DSCAM: variants seen among roughly 807,000 people sequenced by gnomAD.
DSCAM encodes the protein cell adhesion molecule DSCAM.
Under a neutral mutation model 217.7 loss-of-function variants are expected in DSCAM, and 47 were observed. The observed-to-expected ratio is 0.22, with a 90% CI of 0.17 to 0.28. The LOEUF (loss-of-function observed/expected upper bound fraction) is 0.28. Ranked by LOEUF, DSCAM falls within the 10% of genes least tolerant of loss-of-function variation. DSCAM has a pLI of 1.00. For synonymous variants in DSCAM, 1,056 were observed against 1,015.3 expected, an observed-to-expected ratio of 1.04 and a Z score of -0.76; for missense variants, 2,080 against 2,618.3, an observed-to-expected ratio of 0.79 and a Z score of 4.49.
chr21:40,089,687 C>T (rs796244853), intron 21 of DSCAM, among the ~76,000 whole-genome samples: 1 of 152,164 alleles, frequency 6.6e-6, no homozygotes, highest in Non-Finnish European at 1.5e-5. Context: ...ACATCCCCAT[C>T]CCTCTAGGAT....
At position 40,124,199 on chromosome 21, in the gene DSCAM, G is replaced by C. The variant is rs1261715052; in HGVS notation, c.3692C>G (p.Pro1231Arg). The C allele has an allele frequency of 1.2e-5, 19 of 1,613,918 alleles. No homozygotes were observed. Among genetic ancestry groups the C allele is most frequent in the African/African-American group, 2.7e-5 (2 of 74,894 alleles). Reference sequence around the variant, plus strand: ...CTTGGTTATTTACCAACTTACTGTGGGATAGGGGTGGGAGCAGAATACAGT... The same window carrying C: ...CTTGGTTATTTACCAACTTACTGTGCGATAGGGGTGGGAGCAGAATACAGT... The part of the protein sequence containing the change: ...KYTVFCSHPY[P>R]TVISEFEASP... Residue 1231 changes from proline to arginine, a missense_variant, in exon 20 of 33, where the codon CCC (proline) becomes CGC (arginine). Pro to Arg is a moderately radical substitution (Grantham distance 103). Around this residue, in one of 5 missense-constraint regions of DSCAM, gnomAD observed 1,144 missense variants for 1,421.1 expected, o/e 0.81. Transcript: ENST00000400454.
intron 3 of DSCAM, among the ~76,000 whole-genome samples, chr21:40,549,667 G>T (rs981520672): frequency 6.6e-6 from 1 of 152,216 alleles, no homozygotes; most frequent in Non-Finnish European, 1.5e-5. Flanking sequence ...CTCATAAGGT[G>T]TTACATTTTG....
chr21:40,118,143 T>A (rs2089993788), intron 20 of DSCAM, among the ~76,000 whole-genome samples: 2 of 152,174 alleles, frequency 1.3e-5, no homozygotes, highest in South Asian at 4.1e-4. Context: ...TGCGAAGTCA[T>A]CCAATAAATT....
chr21:40,205,944 T>A (rs996159325), intron 11 of DSCAM, among the ~76,000 whole-genome samples: 19 of 152,220 alleles, frequency 1.2e-4, no homozygotes, highest in African/African-American at 4.6e-4. Flanking sequence ...ATTGGAGGTT[T>A]TACCACATTT....
At chr21:40,515,111 T>C (rs546056930) in intron 3 of DSCAM, among the ~76,000 whole-genome samples, 1 of 152,222 alleles carries the variant, frequency 6.6e-6, no homozygotes, top group Non-Finnish European at 1.5e-5. Flanking sequence ...TACTATAATC[T>C]GAAAACTAAA....
chr21:40,467,453 G>C (rs1367592485), intron 3 of DSCAM, among the ~76,000 whole-genome samples: 1 of 152,180 alleles, frequency 6.6e-6, no homozygotes, highest in African/African-American at 2.4e-5. Context: ...GAAAGAATAA[G>C]TGTTCTGTTT....
rs746320326 is a variant in DSCAM at position 40,189,067 on chromosome 21, C to G, written c.2528G>C (p.Gly843Ala). The change falls in exon 12 of 33, where the codon GGA becomes GCA. Residue 843 changes from glycine to alanine, a missense_variant. Transcript: ENST00000400454. ...ARYLVSTKEV[G>A]EEVISTLQIL... Reference sequence around the variant, plus strand: ...CTGCAGAGTAGAAATCACCTCTTCTCCCACCTCCTTGGTGGACACAAGATA... The same window carrying G: ...CTGCAGAGTAGAAATCACCTCTTCTGCCACCTCCTTGGTGGACACAAGATA... The G allele has an allele frequency of 1.2e-6, 2 of 1,614,160 alleles. No individual in the cohort carries two copies. Among genetic ancestry groups the G allele is most frequent in the Non-Finnish European group, 8.5e-7 (1 of 1,180,026 alleles).
chr21:40,757,530 C>G (rs1262215514), intron 1 of DSCAM, among the ~76,000 whole-genome samples: 1 of 152,150 alleles, frequency 6.6e-6, no homozygotes, highest in Non-Finnish European at 1.5e-5. Context: ...AGGAATATTG[C>G]CAGATGTGAT....
chr21:40,157,039 T>C (rs570470686), intron 16 of DSCAM, among the ~76,000 whole-genome samples: 1 of 152,334 alleles, frequency 6.6e-6, no homozygotes, highest in African/African-American at 2.4e-5. Flanking sequence ...TGCTTGTTTT[T>C]ATGTGGCTCT....
rs895135889 is a variant in DSCAM, at chr21:40,698,884, A to G, written c.362-5928T>C. ...GAATCCGTCTTAAAAAAAAAAAAAA[A>G]AAAAAAAAAAGAGTCGCTTCTGCTG... On this transcript the variant is annotated intron_variant, in intron 2 of 32. Coordinates refer to ENST00000400454, the MANE Select transcript of DSCAM (RefSeq NM_001389.5). 8.1e-4 allele frequency among the ~76,000 whole-genome samples: 122 copies of G among 150,596 alleles called. 2 individuals are homozygous for G. The highest frequency in any genetic ancestry group is 1.3e-3 in the Non-Finnish European group (91 of 67,738).
chr21:40,630,905 A>G (rs1317565932), intron 3 of DSCAM: 2 of 152,180 alleles, frequency 1.3e-5, no homozygotes, highest in Non-Finnish European at 2.9e-5. Flanking sequence ...AGGCTATGAA[A>G]CGAAGTCCCC....
At chr21:40,330,306 TATA>T (rs1220234931) in intron 8 of DSCAM, among the ~76,000 whole-genome samples, 4 of 147,314 alleles carry the variant, frequency 2.7e-5, no homozygotes, top group Admixed American at 6.8e-5. Context: ...TATATTTATA[TATA>T]ATAAATTATA....
intron 17 of DSCAM, among the ~76,000 whole-genome samples, chr21:40,143,057 T>C (rs1286149163): frequency 6.6e-6 from 1 of 152,240 alleles, no homozygotes; most frequent in Non-Finnish European, 1.5e-5. Context: ...CCCTTACTCT[T>C]GGAAGTTACT....
intron 11 of DSCAM, among the ~76,000 whole-genome samples, chr21:40,239,043 G>A (rs546794618): frequency 1.0e-3 from 159 of 152,300 alleles, no homozygotes; most frequent in Non-Finnish European, 2.0e-3. Flanking sequence ...TGGCTTCAGA[G>A]ATGGAGAACA....
intron 3 of DSCAM, chr21:40,513,155 C>A (rs907535580): frequency 1.3e-5 from 2 of 152,282 alleles, no homozygotes; most frequent in African/African-American, 4.8e-5. Context: ...CCCGCCTTGG[C>A]CTCCCAAAGT....
intron 8 of DSCAM, among the ~76,000 whole-genome samples, chr21:40,328,746 A>G (rs2074344306): frequency 6.6e-6 from 1 of 152,250 alleles, no homozygotes; most frequent in South Asian, 2.1e-4. Context: ...CGTACATCTG[A>G]TAAAAGGTTA....
Position 40,353,475 on chromosome 21 carries a change from C to T in DSCAM, c.924G>A (p.Leu308=), listed in dbSNP as rs1017575799. 1 of 1,603,578 alleles carries T rather than the reference C, an allele frequency of 6.2e-7. No individual in the cohort carries two copies. Among genetic ancestry groups the T allele is most frequent in the Non-Finnish European group, 8.5e-7 (1 of 1,177,328 alleles). ...TACCGTCCAACTTACGTTTCACGTA[C>T]AGGCGGCCTATCACCTTAGCAGTTC... The part of the protein sequence containing the change: ...RYGTAKVIGR[L]YVKQPLKATI... Residue 308 remains leucine (L), a synonymous_variant, in exon 5 of 33, where the codon CTG becomes CTA. Coordinates refer to ENST00000400454, the MANE Select transcript of DSCAM (RefSeq NM_001389.5).
chr21:40,708,913 T>C (rs2090746743), intron 1 of DSCAM, 142 bp from the exon 2 acceptor site: 1 of 570,578 alleles, frequency 1.8e-6, no homozygotes, highest in Non-Finnish European at 2.7e-6. Context: ...TCAAATTTTC[T>C]GAAAATGCTG....
intron 28 of DSCAM, among the ~76,000 whole-genome samples, chr21:40,056,254 C>T (rs755885939): frequency 3.5e-4 from 53 of 152,174 alleles, no homozygotes; most frequent in Non-Finnish European, 7.1e-4. Flanking sequence ...GGAAAAAGCA[C>T]GTGCACCAGC....
Sources: gnomAD v4.1 joint callset for allele counts (sites outside exome capture counted in the v4.1 genomes callset) on GRCh38, gnomAD v4.1.1 for gene constraint, gnomAD v4.1.1 regional missense constraint, MANE v1.5 for transcripts, NCBI Gene and HGNC (gene_info 2026-07-23, HGNC 2026-07-21) for gene names.